LIN7A: variants seen among roughly 807,000 people sequenced by gnomAD.
LIN7A encodes the protein protein lin-7 homolog A.
In LIN7A, 25 loss-of-function variants were observed where a neutral mutation model predicts 29.8. That is an observed-to-expected ratio of 0.84 (90% confidence interval 0.61 to 1.17). The LOEUF is 1.17. Ranked by LOEUF, LIN7A falls within the 50% of genes most tolerant of loss-of-function variation. The probability of loss-of-function intolerance (pLI) is 0.00; values close to 1 mark genes in which losing one functional copy is unlikely to be tolerated. For synonymous variants in LIN7A, 118 were observed against 107.5 expected, an observed-to-expected ratio of 1.10 and a Z score of -0.60; for missense variants, 239 against 287.0, an observed-to-expected ratio of 0.83 and a Z score of 1.21.
At chr12:80,834,634 A>T (rs570258550) in intron 4 of LIN7A, among the ~76,000 whole-genome samples, 48 of 152,336 alleles carry the variant, frequency 3.2e-4, no homozygotes, top group African/African-American at 1.2e-3. Context: ...ACAATTGCTG[A>T]TACTCATTTC....
chr12:80,893,491 CCATT>C (rs1875732407), intron 1 of LIN7A, among the ~76,000 whole-genome samples: 1 of 152,142 alleles, frequency 6.6e-6, no homozygotes, highest in Non-Finnish European at 1.5e-5. Flanking sequence ...AGACACGTCT[CCATT>C]AAGACTTATA....
chr12:80,928,367 C>A (rs936954789), intron 1 of LIN7A, among the ~76,000 whole-genome samples: 1 of 152,040 alleles, frequency 6.6e-6, no homozygotes, highest in African/African-American at 2.4e-5. Context: ...TCTCCAGCAT[C>A]TGTTTCCTGA....
chr12:80,825,042 C>T (rs1871994518), intron 4 of LIN7A, among the ~76,000 whole-genome samples: 1 of 152,100 alleles, frequency 6.6e-6, no homozygotes, highest in Admixed American at 6.6e-5. Context: ...AAAGGGCATC[C>T]AAATCAGTCA....
chr12:80,842,419 T>C (rs1391509366), intron 4 of LIN7A, among the ~76,000 whole-genome samples: 1 of 152,128 alleles, frequency 6.6e-6, no homozygotes, highest in Non-Finnish European at 1.5e-5. Flanking sequence ...TAAATATATA[T>C]ATAATTTAAA....
At chr12:80,814,752 A>C (rs1871452896) in intron 4 of LIN7A, among the ~76,000 whole-genome samples, 1 of 152,170 alleles carries the variant, frequency 6.6e-6, no homozygotes, top group Non-Finnish European at 1.5e-5. Flanking sequence ...ACAATGTATC[A>C]AAAGCAGACT....
chr12:80,917,722 C>T (rs1032541606), intron 1 of LIN7A, among the ~76,000 whole-genome samples: 6 of 151,850 alleles, frequency 4.0e-5, no homozygotes, highest in Non-Finnish European at 5.9e-5. Context: ...TATAAATATG[C>T]TTATTTTATA....
At chr12:80,812,020 T>A (rs1246174638) in intron 4 of LIN7A, among the ~76,000 whole-genome samples, 1 of 152,000 alleles carries the variant, frequency 6.6e-6, no homozygotes, top group African/African-American at 2.4e-5. Flanking sequence ...TTGAAAAAAA[T>A]TAAAACATAG....
chr12:80,872,418 C>A (rs192639619), intron 2 of LIN7A, among the ~76,000 whole-genome samples: 275 of 152,230 alleles, frequency 1.8e-3, no homozygotes, highest in Non-Finnish European at 2.3e-3. Flanking sequence ...TTTTCATGAA[C>A]TATCAACAAT....
chr12:80,874,816 T>C (rs773660200), intron 2 of LIN7A, among the ~76,000 whole-genome samples: 3 of 152,174 alleles, frequency 2.0e-5, no homozygotes, highest in Non-Finnish European at 4.4e-5. Context: ...GCCCCGTCTC[T>C]ACTAAAAAAT....
intron 4 of LIN7A, among the ~76,000 whole-genome samples, chr12:80,812,607 A>C (rs957450212): frequency 2.0e-5 from 3 of 152,088 alleles, no homozygotes; most frequent in African/African-American, 4.8e-5. Context: ...GCTGGTGTGC[A>C]GTGGCCTGAT....
chr12:80,807,080 T>TTTTTTTTTTTTTTTG (rs1565883886), intron 5 of LIN7A, among the ~76,000 whole-genome samples: 1 of 134,686 alleles, frequency 7.4e-6, no homozygotes, highest in African/African-American at 2.8e-5. Flanking sequence ...TTTTTTTTTT[T>TTTTTTTTTTTTTTTG]TTTTTTTTTT....
chr12:80,794,014 C>G lies in LIN7A; in HGVS notation c.*3713G>C, dbSNP rs894645418. 11 of 152,072 alleles carry G rather than the reference C, an allele frequency of 7.2e-5. No homozygotes were observed. Among genetic ancestry groups the G allele is most frequent in the Non-Finnish European group, 1.0e-4 (7 of 67,966 alleles). 9.4% of individuals were successfully genotyped at this position (152,072 alleles called of 1,614,324 possible). A position where few individuals can be genotyped will look rare whatever the true frequency, so the allele number is the denominator to read the frequency against. On this transcript the variant is annotated 3_prime_UTR_variant, in exon 6 of 6. Transcript: ENST00000552864. The stretch of plus-strand genomic sequence containing the variant: ...TTCAAATGTCCTCAAATCTTTGAAG[C>G]CTTTAAAGTAATTAATGAAATTTCA...
intron 2 of LIN7A, among the ~76,000 whole-genome samples, chr12:80,859,425 G>A (rs1356486493): frequency 6.6e-6 from 1 of 152,098 alleles, no homozygotes; most frequent in Non-Finnish European, 1.5e-5. Context: ...TGCATATGCA[G>A]GTCTAAAGCT....
intron 2 of LIN7A, among the ~76,000 whole-genome samples, chr12:80,849,830 G>A (rs1329958437): frequency 2.6e-5 from 4 of 152,084 alleles, no homozygotes; most frequent in South Asian, 2.1e-4. Flanking sequence ...GATGATAAAA[G>A]GTCAAATTCA....
chr12:80,893,459 A>G (rs1213855881), intron 1 of LIN7A, among the ~76,000 whole-genome samples: 3 of 152,200 alleles, frequency 2.0e-5, no homozygotes, highest in Admixed American at 6.6e-5. Flanking sequence ...ATATTGTTCA[A>G]AAAAGAGCCA....
chr12:80,879,476 CAT>C (rs1208183764), intron 2 of LIN7A, among the ~76,000 whole-genome samples: 1 of 151,760 alleles, frequency 6.6e-6, no homozygotes, highest in Non-Finnish European at 1.5e-5. Context: ...CTAAATAAAA[CAT>C]AAATGCAAAT....
chr12:80,894,986 G>T (rs1310454385), intron 1 of LIN7A, among the ~76,000 whole-genome samples: 1 of 152,188 alleles, frequency 6.6e-6, no homozygotes, highest in East Asian at 1.9e-4. Flanking sequence ...TGACTCCAGT[G>T]CCTGTGCTCT....
At chr12:80,924,690 C>T (rs1165801409) in intron 1 of LIN7A, among the ~76,000 whole-genome samples, 1 of 152,074 alleles carries the variant, frequency 6.6e-6, no homozygotes, top group Non-Finnish European at 1.5e-5. Context: ...TGTGATGCAT[C>T]GCAATTAAAT....
intron 2 of LIN7A, among the ~76,000 whole-genome samples, chr12:80,881,409 C>T (rs1158272224): frequency 6.6e-6 from 1 of 152,122 alleles, no homozygotes. Context: ...ATGTCAGATG[C>T]ATTTTCATTA....
Sources: gnomAD v4.1 joint callset for allele counts (sites outside exome capture counted in the v4.1 genomes callset) on GRCh38, gnomAD v4.1.1 for gene constraint, MANE v1.5 for transcripts, NCBI Gene and HGNC (gene_info 2026-07-23, HGNC 2026-07-21) for gene names.